ADGRL2: variants seen among roughly 807,000 people sequenced by gnomAD.
ADGRL2 encodes calcium-independent alpha-latrotoxin receptor 2.
Under a neutral mutation model 157.4 loss-of-function variants are expected in ADGRL2, and 44 were observed. The observed-to-expected ratio is 0.28, with a 90% CI of 0.22 to 0.36. ADGRL2 has a LOEUF of 0.36. Among genes scored for constraint, ADGRL2 ranks in the 10% least tolerant of loss-of-function variants. The pLI, the probability that ADGRL2 is intolerant of heterozygous loss-of-function variation, is 1.00. For missense variants in ADGRL2, 1,510 were observed against 1,768.9 expected, an observed-to-expected ratio of 0.85 and a Z score of 2.63; for synonymous variants, 585 against 624.7, an observed-to-expected ratio of 0.94 and a Z score of 0.95.
intron 1 of ADGRL2, among the ~76,000 whole-genome samples, chr1:81,727,713 G>A (rs563301810): frequency 6.6e-6 from 1 of 152,204 alleles, no homozygotes; most frequent in East Asian, 1.9e-4. Flanking sequence ...TTGCAGGCAT[G>A]AGCCACCACG....
chr1:81,958,132 C>CAAAATT (rs1330021394), intron 11 of ADGRL2, among the ~76,000 whole-genome samples: 1 of 152,024 alleles, frequency 6.6e-6, no homozygotes, highest in African/African-American at 2.4e-5. Context: ...TGGGGGGTGC[C>CAAAATT]TGTAATCCCA....
intron 1 of ADGRL2, among the ~76,000 whole-genome samples, chr1:81,738,581 G>A (rs564535927): frequency 5.3e-5 from 8 of 152,284 alleles, no homozygotes; most frequent in African/African-American, 1.7e-4. Flanking sequence ...GGCACAAAGG[G>A]GCTGACATGG....
chr1:81,674,528 C>T (rs143993045), intron 3 of ADGRL2, among the ~76,000 whole-genome samples: 1 of 152,224 alleles, frequency 6.6e-6, no homozygotes, highest in African/African-American at 2.4e-5. Flanking sequence ...TTTATTTGCG[C>T]CCAAGCAAAA....
chr1:81,951,884 G>A, intron 8 of ADGRL2, 73 bp from the exon 9 acceptor site: 1 of 1,201,648 alleles, frequency 8.3e-7, no homozygotes, highest in Non-Finnish European at 1.2e-6. Context: ...CCACAATAAA[G>A]ATACTCAAGG....
chr1:81,930,612 C>A (rs959224377), intron 3 of ADGRL2, among the ~76,000 whole-genome samples: 2 of 152,112 alleles, frequency 1.3e-5, no homozygotes, highest in African/African-American at 4.8e-5. Flanking sequence ...GTGCACAAGC[C>A]TGGGCAATAT....
intron 2 of ADGRL2, among the ~76,000 whole-genome samples, chr1:81,506,665 G>A (rs1202050597): frequency 4.6e-5 from 7 of 151,984 alleles, no homozygotes; most frequent in Non-Finnish European, 8.8e-5. Flanking sequence ...AGATGTGATG[G>A]CACCACTGCA....
intron 2 of ADGRL2, among the ~76,000 whole-genome samples, chr1:81,568,638 G>A (rs1006709804): frequency 2.0e-5 from 3 of 152,104 alleles, no homozygotes; most frequent in Admixed American, 6.6e-5. Context: ...TTGAATGAAC[G>A]TTGGTTTTGT....
intron 3 of ADGRL2, among the ~76,000 whole-genome samples, chr1:81,614,718 G>A (rs1025325331): frequency 3.3e-5 from 5 of 151,996 alleles, no homozygotes; most frequent in African/African-American, 1.2e-4. Context: ...CACCACTGCA[G>A]GAGCAACTCT....
chr1:81,760,152 A>C (rs937282877), intron 1 of ADGRL2, among the ~76,000 whole-genome samples: 1 of 152,128 alleles, frequency 6.6e-6, no homozygotes, highest in African/African-American at 2.4e-5. Flanking sequence ...AAACATTTAT[A>C]TGTGTGGGTG....
chr1:81,401,065 C>G lies in ADGRL2; in HGVS notation c.-301-43971C>G, dbSNP rs538920706. ...TATTTCCTTAGGAGGCAGGATGCGA[C>G]TTCAGCTTAGGTACTAGGATTTGTG... On this transcript the variant is annotated intron_variant, in intron 1 of 24. Transcript: ENST00000370721. 3.9e-5 allele frequency among the ~76,000 whole-genome samples: 6 copies of G among 152,298 alleles called. No homozygotes were observed. The South Asian group carries it at 1.2e-3, about 32-fold the overall frequency.
chr1:81,824,305 C>T (rs2091267884), intron 1 of ADGRL2, among the ~76,000 whole-genome samples: 1 of 152,150 alleles, frequency 6.6e-6, no homozygotes, highest in Admixed American at 6.5e-5. Context: ...CAAGGTCTTT[C>T]TCTTTGTTGT....
intron 2 of ADGRL2, among the ~76,000 whole-genome samples, chr1:81,865,233 T>A (rs115707991): frequency 0.018 from 2,735 of 152,308 alleles, 77 homozygotes; most frequent in African/African-American, 0.062. Flanking sequence ...GTTCTAACTG[T>A]TGACAAAGCT....
At chr1:81,737,950 T>C (rs987185278) in intron 1 of ADGRL2, among the ~76,000 whole-genome samples, 3 of 152,216 alleles carry the variant, frequency 2.0e-5, no homozygotes, top group African/African-American at 7.2e-5. Context: ...CCAACTATCC[T>C]TTGATTCTCT....
intron 3 of ADGRL2, among the ~76,000 whole-genome samples, chr1:81,637,436 G>A (rs2082135780): frequency 6.6e-6 from 1 of 152,102 alleles, no homozygotes; most frequent in African/African-American, 2.4e-5. Context: ...GGTTCCAAGG[G>A]CCCTTTCTTC....
intron 2 of ADGRL2, among the ~76,000 whole-genome samples, chr1:81,898,896 A>T (rs186254525): frequency 4.6e-5 from 7 of 152,246 alleles, no homozygotes; most frequent in Admixed American, 4.6e-4. Flanking sequence ...AAACAGGAGT[A>T]ATAAAGAGAT....
intron 1 of ADGRL2, among the ~76,000 whole-genome samples, chr1:81,704,101 C>T (rs984573364): frequency 5.9e-5 from 9 of 152,194 alleles, no homozygotes; most frequent in African/African-American, 2.2e-4. Flanking sequence ...TTAGGCCTCC[C>T]TTCATCATCA....
At chr1:81,328,131 C>T (rs553129253) in intron 1 of ADGRL2, among the ~76,000 whole-genome samples, 78 of 152,228 alleles carry the variant, frequency 5.1e-4, no homozygotes, top group African/African-American at 1.8e-3. Flanking sequence ...TGACAGGATA[C>T]CACAAATTTC....
chr1:81,444,631 C>T (rs1055705971), intron 1 of ADGRL2, among the ~76,000 whole-genome samples: 1 of 152,116 alleles, frequency 6.6e-6, no homozygotes, highest in Non-Finnish European at 1.5e-5. Context: ...CAATGGTTGG[C>T]CTGCACGTTT....
intron 1 of ADGRL2, among the ~76,000 whole-genome samples, chr1:81,320,376 T>A (rs1214364626): frequency 2.0e-5 from 3 of 152,252 alleles, no homozygotes; most frequent in African/African-American, 7.2e-5. Flanking sequence ...GAATCATGAA[T>A]GTCTTAATGG....
Sources: allele counts gnomAD v4.1 joint callset (sites outside exome capture counted in the v4.1 genomes callset), GRCh38; gene constraint gnomAD v4.1.1; transcripts MANE v1.5; gene names NCBI Gene and HGNC (gene_info 2026-07-23, HGNC 2026-07-21).